The following ANKS1B variants were observed in gnomAD, a reference collection of about 807,000 sequenced individuals.
ANKS1B encodes the protein ankyrin repeat and sterile alpha motif domain containing 1B, also known as ankyrin repeat and sterile alpha motif domain-containing protein 1B.
Under a neutral mutation model 148.3 loss-of-function variants are expected in ANKS1B, and 36 were observed. The ratio of observed to expected loss-of-function variants is 0.24; its 90% CI spans 0.19 to 0.32. The LOEUF is 0.32. Ranked by LOEUF, ANKS1B falls within the 10% of genes least tolerant of loss-of-function variation. ANKS1B has a pLI of 1.00. For synonymous variants in ANKS1B, 542 were observed against 560.8 expected (o/e 0.97, Z 0.47); for missense variants, 1,157 against 1,542.6 (o/e 0.75, Z 4.19).
chr12:99,633,220 C>T (rs1248835031), intron 9 of ANKS1B, among the ~76,000 whole-genome samples: 5 of 151,944 alleles, frequency 3.3e-5, no homozygotes, highest in African/African-American at 7.3e-5. Context: ...AATAAACATA[C>T]GTGTGCATGT....
intron 10 of ANKS1B, among the ~76,000 whole-genome samples, chr12:99,452,333 T>C (rs1387647447): frequency 2.0e-5 from 3 of 152,190 alleles, no homozygotes; most frequent in African/African-American, 7.2e-5. Flanking sequence ...CCTAGAAGAA[T>C]GTTATATTAT....
At chr12:99,179,210 C>G (rs544848528) in intron 14 of ANKS1B, among the ~76,000 whole-genome samples, 3 of 151,778 alleles carry the variant, frequency 2.0e-5, no homozygotes, top group African/African-American at 7.2e-5. Context: ...GGGCGGATCA[C>G]GAGGTCAGGA....
At chr12:99,633,509 G>C (rs1354853885) in intron 9 of ANKS1B, among the ~76,000 whole-genome samples, 1 of 152,154 alleles carries the variant, frequency 6.6e-6, no homozygotes, top group East Asian at 1.9e-4. Flanking sequence ...AGACTTAAAT[G>C]TTAGACCTAA....
intron 9 of ANKS1B, among the ~76,000 whole-genome samples, chr12:99,558,833 G>A (rs1185466552): frequency 1.3e-5 from 2 of 152,098 alleles, no homozygotes; most frequent in African/African-American, 4.8e-5. Context: ...TTGGTGTATG[G>A]GTATCCCTGG....
chr12:99,441,537 T>C (rs1171472724), intron 11 of ANKS1B, among the ~76,000 whole-genome samples: 2 of 151,894 alleles, frequency 1.3e-5, no homozygotes, highest in Admixed American at 6.6e-5. Flanking sequence ...GTAGCCTAAT[T>C]GAAGTTATAT....
Position 99,880,795 on chromosome 12 carries a change from T to C in ANKS1B, c.135-55406A>G, listed in dbSNP as rs184090841. ...AGATTTGTGAAACTGAAAACTAACC[T>C]TCCTCTGCCAAGAGCCCCATCAAGA... On this transcript the variant is annotated intron_variant, in intron 1 of 26. Transcript: ENST00000683438. Among the ~76,000 whole-genome samples the C allele has an allele frequency of 3.2e-3, 491 of 152,336 alleles. 2 individuals are homozygous for C. The highest frequency in any genetic ancestry group is 4.7e-3 in the Non-Finnish European group (320 of 68,022).
intron 19 of ANKS1B, among the ~76,000 whole-genome samples, chr12:98,821,981 C>T (rs1366905619): frequency 6.7e-6 from 1 of 150,022 alleles, no homozygotes; most frequent in Admixed American, 6.7e-5. Context: ...AGTTAAACAG[C>T]AATTTGGCTT....
chr12:98,919,583 C>T (rs927425175), intron 17 of ANKS1B, among the ~76,000 whole-genome samples: 2 of 152,196 alleles, frequency 1.3e-5, no homozygotes, highest in Admixed American at 6.5e-5. Flanking sequence ...ACACACTGTA[C>T]CTCCTTAACC....
At chr12:99,328,112 T>A (rs1436788536) in intron 12 of ANKS1B, among the ~76,000 whole-genome samples, 2 of 151,932 alleles carry the variant, frequency 1.3e-5, no homozygotes, top group African/African-American at 4.8e-5. Flanking sequence ...TGAAAATATA[T>A]AAAATGATAA....
intron 12 of ANKS1B, among the ~76,000 whole-genome samples, chr12:99,290,061 C>T (rs2079720666): frequency 6.6e-6 from 1 of 151,344 alleles, no homozygotes; most frequent in Non-Finnish European, 1.5e-5. Context: ...GGCCTAAATA[C>T]AATCAGAGGT....
intron 10 of ANKS1B, among the ~76,000 whole-genome samples, chr12:99,451,310 C>T (rs1485009125): frequency 6.6e-6 from 1 of 152,088 alleles, no homozygotes; most frequent in East Asian, 1.9e-4. Context: ...TCATGTGCAA[C>T]ATTACAGTCT....
intron 14 of ANKS1B, among the ~76,000 whole-genome samples, chr12:99,220,577 G>C (rs982302282): frequency 3.5e-4 from 52 of 150,242 alleles, no homozygotes; most frequent in African/African-American, 1.2e-3. Context: ...CTCCCAAGCA[G>C]CTGGGACTAC....
intron 15 of ANKS1B, chr12:99,104,487 T>C (rs567047045): frequency 1.3e-5 from 2 of 152,350 alleles, no homozygotes; most frequent in South Asian, 4.1e-4. Context: ...CTTTATTCTA[T>C]ATGATCGGCT....
intron 17 of ANKS1B, among the ~76,000 whole-genome samples, chr12:99,023,805 AAT>A (rs894151702): frequency 3.3e-5 from 5 of 149,920 alleles, no homozygotes; most frequent in East Asian, 3.9e-4. Flanking sequence ...ACACATATAT[AAT>A]ATATATATTT....
chr12:98,818,479 G>T (rs2099159795), intron 19 of ANKS1B, among the ~76,000 whole-genome samples: 1 of 152,122 alleles, frequency 6.6e-6, no homozygotes, highest in African/African-American at 2.4e-5. Context: ...AGCTCTCATT[G>T]TGCAGCTCCC....
chr12:99,223,310 G>A (rs560372595), intron 14 of ANKS1B, among the ~76,000 whole-genome samples: 1 of 152,280 alleles, frequency 6.6e-6, no homozygotes, highest in African/African-American at 2.4e-5. Flanking sequence ...GCCCAGGGTG[G>A]AGGATAGTTT....
intron 12 of ANKS1B, among the ~76,000 whole-genome samples, chr12:99,300,394 C>T (rs958527755): frequency 1.3e-5 from 2 of 152,054 alleles, no homozygotes; most frequent in East Asian, 3.9e-4. Flanking sequence ...ACATGTTATG[C>T]TGGGCTTTTT....
chr12:99,819,345 T>C (rs1346471322), intron 2 of ANKS1B, among the ~76,000 whole-genome samples: 1 of 151,834 alleles, frequency 6.6e-6, no homozygotes, highest in African/African-American at 2.4e-5. Context: ...GCAAGATGAC[T>C]AAAGATGTTT....
chr12:99,810,105 T>C (rs1011982772), intron 3 of ANKS1B, among the ~76,000 whole-genome samples: 1 of 152,070 alleles, frequency 6.6e-6, no homozygotes, highest in Non-Finnish European at 1.5e-5. Flanking sequence ...TAAAAGGCTC[T>C]GGAGTCAAAG....
Sources: allele counts gnomAD v4.1 joint callset (sites outside exome capture counted in the v4.1 genomes callset), GRCh38; gene constraint gnomAD v4.1.1; transcripts MANE v1.5; gene names NCBI Gene and HGNC (gene_info 2026-07-23, HGNC 2026-07-21).